SLIT1: variants seen among roughly 807,000 people sequenced by gnomAD.
The protein encoded by SLIT1 is slit homolog 1 protein.
In SLIT1, 66 loss-of-function variants were observed where a neutral mutation model predicts 186.1. The ratio of observed to expected loss-of-function variants is 0.35; its 90% CI spans 0.29 to 0.44. The LOEUF (loss-of-function observed/expected upper bound fraction) is 0.44, where lower values mean the gene tolerates loss of function less well. SLIT1 is among the 20% of genes least tolerant of loss of function. SLIT1 has a pLI of 1.00. For missense variants in SLIT1, 1,638 were observed against 2,037.4 expected, an observed-to-expected ratio of 0.80 and a Z score of 3.77; for synonymous variants, 761 against 833.8, an observed-to-expected ratio of 0.91 and a Z score of 1.50.
intron 4 of SLIT1, among the ~76,000 whole-genome samples, chr10:97,073,642 C>T (rs1365009782): frequency 1.3e-5 from 2 of 152,124 alleles, no homozygotes; most frequent in African/African-American, 2.4e-5. Context: ...TGACAAGCAC[C>T]TGGGGGATGC....
chr10:97,081,175 T>C (rs1241294921), intron 4 of SLIT1, among the ~76,000 whole-genome samples: 3 of 151,956 alleles, frequency 2.0e-5, no homozygotes, highest in Non-Finnish European at 4.4e-5. Flanking sequence ...TTTAATGTGG[T>C]TTGAAAAGAG....
chr10:97,025,896 T>C (rs764580580), intron 25 of SLIT1, among the ~76,000 whole-genome samples: 3 of 152,156 alleles, frequency 2.0e-5, no homozygotes, highest in Non-Finnish European at 4.4e-5. Context: ...CATCACTGTC[T>C]CCTGCTGCAT....
chr10:97,097,657 A>C (rs960556710), intron 4 of SLIT1, among the ~76,000 whole-genome samples: 1 of 152,216 alleles, frequency 6.6e-6, no homozygotes, highest in Non-Finnish European at 1.5e-5. Flanking sequence ...TTTAAGTCTC[A>C]AGGAGCCCCC....
Position 97,096,905 on chromosome 10 carries a change from T to C in SLIT1, c.414-30819A>G, listed in dbSNP as rs118188702. Among the ~76,000 whole-genome samples the C allele has an allele frequency of 0.013, 1,988 of 152,312 alleles. 92 individuals carry two copies. In the East Asian group the frequency reaches 0.15, roughly 11 times the overall value. ...GAGCCACCAACAAGCCCCTCCTGGG[T>C]GGCTTTATCCTCATTTGGACAAATT... On this transcript the variant is annotated intron_variant, in intron 4 of 36. Transcript: ENST00000266058.
intron 3 of SLIT1, among the ~76,000 whole-genome samples, chr10:97,158,992 G>T (rs1849990904): frequency 6.6e-6 from 1 of 152,064 alleles, no homozygotes; most frequent in Non-Finnish European, 1.5e-5. Flanking sequence ...GTAACAAAGA[G>T]AAATAACTAA....
intron 4 of SLIT1, among the ~76,000 whole-genome samples, chr10:97,093,194 G>C (rs549180520): frequency 9.8e-5 from 15 of 152,354 alleles, no homozygotes; most frequent in South Asian, 2.1e-4. Context: ...AAGCTCTCCA[G>C]AACAGCTTTT....
At chr10:97,104,241 G>A (rs1849390627) in intron 4 of SLIT1, among the ~76,000 whole-genome samples, 1 of 152,126 alleles carries the variant, frequency 6.6e-6, no homozygotes, top group South Asian at 2.1e-4. Flanking sequence ...TAGGCACAGA[G>A]AACAGTCAGT....
chr10:97,121,163 T>C (rs1040372930), intron 4 of SLIT1, among the ~76,000 whole-genome samples: 1 of 152,198 alleles, frequency 6.6e-6, no homozygotes, highest in Non-Finnish European at 1.5e-5. Flanking sequence ...AGTGATTTGT[T>C]AAGTTCATTA....
chr10:97,081,009 AG>A (rs750132042), intron 4 of SLIT1, among the ~76,000 whole-genome samples: 13 of 152,166 alleles, frequency 8.5e-5, no homozygotes, highest in Non-Finnish European at 1.8e-4. Flanking sequence ...GGTGGGTTTT[AG>A]GGTATTTTGA....
intron 26 of SLIT1, 65 bp from the exon 27 acceptor site, chr10:97,019,172 A>C (rs1391905870): frequency 4.8e-6 from 5 of 1,051,562 alleles, no homozygotes; most frequent in Non-Finnish European, 7.3e-6. Flanking sequence ...GGCACAGAGC[A>C]CCTCAACCCC....
At chr10:97,001,741 C>T (rs1848311964) in intron 36 of SLIT1, among the ~76,000 whole-genome samples, 1 of 152,104 alleles carries the variant, frequency 6.6e-6, no homozygotes. Flanking sequence ...CTTCTCCCTG[C>T]CCAGCCTTAG....
At chr10:97,038,069 C>T (rs540207331) in intron 21 of SLIT1, among the ~76,000 whole-genome samples, 2 of 152,280 alleles carry the variant, frequency 1.3e-5, no homozygotes, top group East Asian at 3.9e-4. Flanking sequence ...CCCTGGGCCC[C>T]TGCCTTCCCC....
intron 3 of SLIT1, among the ~76,000 whole-genome samples, chr10:97,159,788 A>G (rs1589415926): frequency 6.6e-6 from 1 of 152,148 alleles, no homozygotes; most frequent in East Asian, 1.9e-4. Context: ...CTTTCTCTTG[A>G]AAGTGACAAC....
At chr10:97,048,848 C>T (rs528766038) in intron 14 of SLIT1, 107 bp downstream of exon 14, 27 of 213,234 alleles carry the variant, frequency 1.3e-4, no homozygotes, top group Admixed American at 6.6e-4. Context: ...AGTGAGCAGG[C>T]GGGTAGGTGG....
chr10:97,058,978 G>C (rs1276646600), intron 11 of SLIT1, among the ~76,000 whole-genome samples: 1 of 152,218 alleles, frequency 6.6e-6, no homozygotes, highest in Non-Finnish European at 1.5e-5. Flanking sequence ...GGCAAACACT[G>C]TCCTAGCAGC....
intron 2 of SLIT1, among the ~76,000 whole-genome samples, chr10:97,164,083 G>A (rs1291113990): frequency 6.6e-6 from 1 of 152,254 alleles, no homozygotes; most frequent in Non-Finnish European, 1.5e-5. Flanking sequence ...GTGGGACTCT[G>A]CATCCCCTCA....
At chr10:97,075,010 C>T (rs1849033153) in intron 4 of SLIT1, among the ~76,000 whole-genome samples, 1 of 152,232 alleles carries the variant, frequency 6.6e-6, no homozygotes, top group Non-Finnish European at 1.5e-5. Context: ...TGGGCACCTG[C>T]CAAGGCTGGA....
chr10:97,050,468 C>T (rs536579149), intron 13 of SLIT1, among the ~76,000 whole-genome samples: 9 of 152,326 alleles, frequency 5.9e-5, no homozygotes, highest in African/African-American at 2.2e-4. Context: ...TTCCCTATTT[C>T]CCACCTGAGT....
At chr10:97,110,458 T>C (rs1025438793) in intron 4 of SLIT1, among the ~76,000 whole-genome samples, 1 of 152,174 alleles carries the variant, frequency 6.6e-6, no homozygotes, top group Non-Finnish European at 1.5e-5. Context: ...ATCGTGGTAA[T>C]GCCACATAAT....
Sources: gnomAD v4.1 joint callset for allele counts (sites outside exome capture counted in the v4.1 genomes callset) on GRCh38, gnomAD v4.1.1 for gene constraint, MANE v1.5 for transcripts, NCBI Gene and HGNC (gene_info 2026-07-23, HGNC 2026-07-21) for gene names.